DSCAML1: variants seen among roughly 807,000 people sequenced by gnomAD.
DSCAML1 encodes the protein DS cell adhesion molecule like 1, also known as cell adhesion molecule DSCAML1.
In DSCAML1, 38 loss-of-function variants were observed where a neutral mutation model predicts 200.5. The observed-to-expected ratio is 0.19, with a 90% confidence interval of 0.15 to 0.25. The LOEUF is 0.25. Among genes scored for constraint, DSCAML1 ranks in the 10% least tolerant of loss-of-function variants. The pLI is 1.00. For missense variants in DSCAML1, 2,223 were observed against 2,858.8 expected, an observed-to-expected ratio of 0.78 and a Z score of 5.07; for synonymous variants, 1,215 against 1,165.0, an observed-to-expected ratio of 1.04 and a Z score of -0.87.
chr11:117,437,815 T>G lies in DSCAML1; in HGVS notation c.4432+80A>C. 2 of 1,308,294 alleles carry G rather than the reference T, an allele frequency of 1.5e-6. No individual in the cohort carries two copies. Among genetic ancestry groups the G allele is most frequent in the Non-Finnish European group, 2.0e-6 (2 of 975,948 alleles). 81.0% of individuals were successfully genotyped at this position (1,308,294 alleles called of 1,614,324 possible). A position where few individuals can be genotyped will look rare whatever the true frequency, so the allele number is the denominator to read the frequency against. ...CCCCTCCTTCCCCACCCCAGCCACC[T>G]TACACCCCATACCTGGCCCCTCTAG... On this transcript the variant is annotated intron_variant, in intron 25 of 32. Coordinates refer to ENST00000651296, the MANE Select transcript of DSCAML1 (RefSeq NM_020693.4). This position sits in a 1 kb window ranked among gnomAD's most constrained non-coding sequence, Gnocchi z 5.3.
chr11:117,519,954 G>A (rs554460155), intron 6 of DSCAML1, among the ~76,000 whole-genome samples: 2 of 152,354 alleles, frequency 1.3e-5, no homozygotes, highest in South Asian at 4.1e-4. Context: ...AGGACACCTG[G>A]GGAGGATCCC....
At chr11:117,689,179 A>T (rs2137714939) in intron 3 of DSCAML1, among the ~76,000 whole-genome samples, 1 of 152,352 alleles carries the variant, frequency 6.6e-6, no homozygotes, top group African/African-American at 2.4e-5. Flanking sequence ...GAATTTGTAG[A>T]CAGAGACAAA....
chr11:117,803,814 G>A (rs1420660543), intron 1 of DSCAML1, among the ~76,000 whole-genome samples: 1 of 152,242 alleles, frequency 6.6e-6, no homozygotes, highest in Non-Finnish European at 1.5e-5. Flanking sequence ...AGAAGAGAAA[G>A]TCAAGGCCCA....
intron 6 of DSCAML1, among the ~76,000 whole-genome samples, chr11:117,520,285 G>A (rs1592692745): frequency 3.9e-5 from 6 of 152,212 alleles, no homozygotes; most frequent in East Asian, 3.8e-4. Flanking sequence ...ATACACAGAG[G>A]TGCTGGGTAA....
At chr11:117,475,861 G>A (rs2048782226) in intron 14 of DSCAML1, among the ~76,000 whole-genome samples, 1 of 152,100 alleles carries the variant, frequency 6.6e-6, no homozygotes, top group Non-Finnish European at 1.5e-5. Context: ...ACCATCTTTG[G>A]TGTTAGCACA....
At chr11:117,717,889 C>T (rs1348717677) in intron 3 of DSCAML1, among the ~76,000 whole-genome samples, 2 of 152,152 alleles carry the variant, frequency 1.3e-5, no homozygotes, top group East Asian at 1.9e-4. Flanking sequence ...GCACAAACTG[C>T]TTTACCAACC....
intron 3 of DSCAML1, among the ~76,000 whole-genome samples, chr11:117,694,078 T>TATATATATATATATATATATATATAC (rs61622292): frequency 2.6e-5 from 1 of 38,692 alleles, no homozygotes; most frequent in Non-Finnish European, 7.4e-5. Flanking sequence ...TATATATATA[T>TATATATATATATATATATATATATAC]ACACATATAT....
At chr11:117,749,142 C>T (rs2054561789) in intron 3 of DSCAML1, among the ~76,000 whole-genome samples, 1 of 152,124 alleles carries the variant, frequency 6.6e-6, no homozygotes, top group Admixed American at 6.5e-5. Context: ...CCAGAACTAC[C>T]AGCTCCTCCT....
At chr11:117,790,019 G>A (rs960683341) in intron 1 of DSCAML1, among the ~76,000 whole-genome samples, 2 of 152,148 alleles carry the variant, frequency 1.3e-5, no homozygotes, top group African/African-American at 4.8e-5. Flanking sequence ...TTTACCCAAG[G>A]TGATCACCTG....
rs2055748274 is a variant in DSCAML1 at position 117,810,090 on chromosome 11, TACAC to T, written c.-250+7296_-250+7299del. ...ACTCACTTACACATTCGCACACACA[TACAC>T]ACATTCACATACATACATATTCACA... On this transcript the variant is annotated intron_variant, in intron 1 of 2. Coordinates refer to the DSCAML1 transcript ENST00000525836. Among the ~76,000 whole-genome samples the T allele has an allele frequency of 5.3e-5, 8 of 152,052 alleles. No homozygotes were observed. The South Asian group carries it at 1.0e-3, about 20-fold the overall frequency.
chr11:117,805,768 T>A (rs752076515), intron 1 of DSCAML1, among the ~76,000 whole-genome samples: 2 of 152,214 alleles, frequency 1.3e-5, no homozygotes, highest in Non-Finnish European at 2.9e-5. Context: ...AGTTCCCCGA[T>A]CCCTGGAAAG....
intron 3 of DSCAML1, among the ~76,000 whole-genome samples, chr11:117,665,965 A>G (rs2137657161): frequency 6.6e-6 from 1 of 152,348 alleles, no homozygotes; most frequent in Admixed American, 6.5e-5. Context: ...AACACAGTCC[A>G]GGACCCTCTC....
At chr11:117,508,501 CA>C (rs1435732131) in intron 8 of DSCAML1, among the ~76,000 whole-genome samples, 2 of 151,414 alleles carry the variant, frequency 1.3e-5, no homozygotes, top group African/African-American at 4.9e-5. Flanking sequence ...TGCGAGAGGG[CA>C]GGGGGTACGG....
At chr11:117,447,076 G>A (rs1173051486) in intron 20 of DSCAML1, among the ~76,000 whole-genome samples, 1 of 152,132 alleles carries the variant, frequency 6.6e-6, no homozygotes, top group Non-Finnish European at 1.5e-5. Context: ...GATCACTGAG[G>A]TCAGGAGTTC....
chr11:117,439,758 C>T (rs1009805277), intron 22 of DSCAML1, 61 bp downstream of exon 22: 10 of 1,502,464 alleles, frequency 6.7e-6, no homozygotes, highest in Non-Finnish European at 9.2e-6. Context: ...CTTCTCCACA[C>T]CGCTCTTCTA....
chr11:117,599,002 G>A (rs1003222347), intron 3 of DSCAML1, among the ~76,000 whole-genome samples: 5 of 152,212 alleles, frequency 3.3e-5, no homozygotes, highest in African/African-American at 9.6e-5. Context: ...CTAATGCAGC[G>A]GAATTACAGA....
In DSCAML1 at chr11:117,657,166, C is replaced by G. The variant is rs955600506; in HGVS notation, c.511+119625G>C. Among the ~76,000 whole-genome samples, 5 of 152,310 alleles carry G rather than the reference C, an allele frequency of 3.3e-5. No individual in the cohort carries two copies. In the South Asian group the frequency reaches 1.0e-3, roughly 32 times the overall value. On this transcript the variant is annotated intron_variant, in intron 3 of 32. Coordinates refer to ENST00000651296, the MANE Select transcript of DSCAML1 (RefSeq NM_020693.4). ...CCTCTGCCCTGTCCATCAACATCCACATCCCATCAGGTAACTTCCTTCCAG... is the reference window on the plus strand; with the variant it reads ...CCTCTGCCCTGTCCATCAACATCCAGATCCCATCAGGTAACTTCCTTCCAG...
intron 3 of DSCAML1, among the ~76,000 whole-genome samples, chr11:117,588,846 C>T (rs2051202218): frequency 2.0e-5 from 3 of 152,194 alleles, no homozygotes; most frequent in African/African-American, 7.2e-5. Flanking sequence ...TCCCTGCCTT[C>T]CTGCCCTTTT....
intron 3 of DSCAML1, among the ~76,000 whole-genome samples, chr11:117,576,068 G>A (rs1489513122): frequency 1.3e-5 from 2 of 151,994 alleles, no homozygotes; most frequent in South Asian, 2.1e-4. Context: ...TTCCACCAGC[G>A]AGGCTCCTGC....
Sources: gnomAD v4.1 joint callset for allele counts (sites outside exome capture counted in the v4.1 genomes callset) on GRCh38, gnomAD v4.1.1 for gene constraint, Gnocchi (gnomAD v3.1) non-coding constraint, MANE v1.5 for transcripts, NCBI Gene and HGNC (gene_info 2026-07-23, HGNC 2026-07-21) for gene names.